Variants in PRR35 observed in about 807,000 individuals in gnomAD.
PRR35 encodes the protein proline-rich protein 35.
Under a neutral mutation model 18.6 loss-of-function variants are expected in PRR35, and 14 were observed. The observed-to-expected ratio is 0.75, with a 90% CI of 0.50 to 1.18. The LOEUF (loss-of-function observed/expected upper bound fraction) is 1.18. Ranked by LOEUF, PRR35 falls within the 50% of genes most tolerant of loss-of-function variation. The pLI is 0.00. For synonymous variants in PRR35, 425 were observed against 378.2 expected, an observed-to-expected ratio of 1.12 and a Z score of -1.43; for missense variants, 832 against 792.2, an observed-to-expected ratio of 1.05 and a Z score of -0.60.
At position 563,958 on chromosome 16, in the gene PRR35, T is replaced by C; in HGVS notation, c.664T>C (p.Tyr222His). Residue 222 changes from tyrosine (Y) to histidine (H), a missense_variant, in exon 2 of 3, where the codon TAC becomes CAC. Physicochemically the swap from Tyr to His is moderately conservative, Grantham distance 83. Transcript: ENST00000409413. ...NYPLSPGLFS[Y>H]LGPSLAAAAH... Reference sequence around the variant, plus strand: ...CCCGCTCAGCCCCGGCCTCTTCTCCTACTTGGGGCCCTCACTGGCCGCTGC... The same window carrying C: ...CCCGCTCAGCCCCGGCCTCTTCTCCCACTTGGGGCCCTCACTGGCCGCTGC... The C allele has an allele frequency of 6.3e-7, 1 of 1,599,330 alleles. No individual in the cohort carries two copies. Among genetic ancestry groups the C allele is most frequent in the Non-Finnish European group, 8.5e-7 (1 of 1,174,210 alleles).
intron 1 of PRR35, among the ~76,000 whole-genome samples, chr16:562,457 T>C (rs1303333828): frequency 6.6e-6 from 1 of 152,070 alleles, no homozygotes; most frequent in Non-Finnish European, 1.5e-5. Context: ...CATGCACACA[T>C]GCACACACAA....
intron 1 of PRR35, 100 bp from the exon 2 acceptor site, chr16:563,156 C>A: frequency 8.4e-7 from 1 of 1,196,950 alleles, no homozygotes; most frequent in Admixed American, 3.1e-5. Flanking sequence ...GTGGGGGGAG[C>A]ACCCAGGCTC....
In PRR35 at chr16:563,961, T is replaced by C; in HGVS notation, c.667T>C (p.Leu223=). 1 of 1,600,042 alleles carries C rather than the reference T, an allele frequency of 6.2e-7. No homozygotes were observed. Among genetic ancestry groups the C allele is most frequent in the Non-Finnish European group, 8.5e-7 (1 of 1,174,562 alleles). ...YPLSPGLFSY[L]GPSLAAAAHV... ...GCTCAGCCCCGGCCTCTTCTCCTAC[T>C]TGGGGCCCTCACTGGCCGCTGCAGC... The change falls in exon 2 of 3, where the codon TTG becomes CTG. Residue 223 remains leucine, a synonymous_variant. Transcript: ENST00000409413.
chr16:565,050 C>A lies in PRR35; in HGVS notation c.1459C>A (p.Pro487Thr). Reference sequence around the variant, plus strand: ...GGCTCTTGGAGAGGCGTGGGGGCGGCCCGAGCTGGGTCCCGTGTTGACCGG... The same window carrying A: ...GGCTCTTGGAGAGGCGTGGGGGCGGACCGAGCTGGGTCCCGTGTTGACCGG... ...PQALGEAWGRPELGPVLTGGT... is the reference protein window; with the variant it reads ...PQALGEAWGRTELGPVLTGGT... Residue 487 changes from proline (P) to threonine (T), a missense_variant, in exon 3 of 3, where the codon CCC (proline) becomes ACC (threonine). Physicochemically the swap from Pro to Thr is conservative, Grantham distance 38 (BLOSUM62 -1). This residue lies in a region of PRR35 where 768 missense variants were observed against 704.1 expected (regional missense o/e 1.09). Transcript: ENST00000409413. 1 of 1,593,662 alleles carries A rather than the reference C, an allele frequency of 6.3e-7. No individual in the cohort carries two copies. The highest frequency in any genetic ancestry group is 2.3e-5 in the East Asian group (1 of 44,200).
In PRR35 at chr16:564,777, C is replaced by T. The variant is rs117862036; in HGVS notation, c.1186C>T (p.Pro396Ser). Residue 396 changes from proline (P) to serine (S), a missense_variant, in exon 3 of 3, where the codon CCA (proline) becomes TCA (serine). By Grantham distance (74) the Pro-to-Ser change is moderately conservative. Coordinates refer to ENST00000409413, the MANE Select transcript of PRR35 (RefSeq NM_145270.3). ...EGPLPLQPRG[P>S]VPGSPEHVGE... is the part of the protein sequence containing the mutation. ...CCCCCTCCCCCTGCAGCCACGGGGCCCAGTGCCAGGAAGCCCGGAGCATGT... is the reference window on the plus strand; with the variant it reads ...CCCCCTCCCCCTGCAGCCACGGGGCTCAGTGCCAGGAAGCCCGGAGCATGT... 3.8e-4 allele frequency: 594 copies of T among 1,545,106 alleles called. 9 individuals carry two copies. In the East Asian group the frequency reaches 0.011, roughly 29 times the overall value.
chr16:565,225 G>T lies in PRR35; in HGVS notation c.1634G>T (p.Trp545Leu). ...GACCCTGTCATTCCTGGCAGTGGCT[G>T]GGGCACCTGTGTTGCGACGAGGAGT... The part of the protein sequence containing the change: ...PDDPVIPGSG[W>L]GTCVATRSSQ... Residue 545 changes from tryptophan to leucine, a missense_variant, in exon 3 of 3, where the codon TGG becomes TTG. This residue lies in a region of PRR35 where 768 missense variants were observed against 704.1 expected (regional missense o/e 1.09). Transcript: ENST00000409413. 2 of 1,609,142 alleles carry T rather than the reference G, an allele frequency of 1.2e-6. No individual in the cohort carries two copies. The highest frequency in any genetic ancestry group is 1.1e-5 in the South Asian group (1 of 90,478).
At position 563,934 on chromosome 16, in the gene PRR35, C is replaced by T. The variant is rs772833204; in HGVS notation, c.640C>T (p.Pro214Ser). The T allele has an allele frequency of 6.3e-7, 1 of 1,593,928 alleles. No homozygotes were observed. The highest frequency in any genetic ancestry group is 8.5e-7 in the Non-Finnish European group (1 of 1,171,620). The change falls in exon 2 of 3, where the codon CCG (proline) becomes TCG (serine). Residue 214 changes from proline (P) to serine (S), a missense_variant. Around this residue, in one of 3 missense-constraint regions of PRR35, gnomAD observed 768 missense variants for 704.1 expected, o/e 1.09. Coordinates refer to ENST00000409413, the MANE Select transcript of PRR35 (RefSeq NM_145270.3). ...LHLSLLGVNYPLSPGLFSYLG... is the reference protein window; with the variant it reads ...LHLSLLGVNYSLSPGLFSYLG... Reference sequence around the variant, plus strand: ...CCTGTCTCTGCTGGGCGTCAACTACCCGCTCAGCCCCGGCCTCTTCTCCTA... The same window carrying T: ...CCTGTCTCTGCTGGGCGTCAACTACTCGCTCAGCCCCGGCCTCTTCTCCTA...
rs1422293128 is a variant in PRR35 at position 563,758 on chromosome 16, G to C, written c.464G>C (p.Ser155Thr). 1 of 1,508,596 alleles carries C rather than the reference G, an allele frequency of 6.6e-7. No homozygotes were observed. The highest frequency in any genetic ancestry group is 8.8e-7 in the Non-Finnish European group (1 of 1,129,974). 93.5% of individuals were successfully genotyped at this position (1,508,596 alleles called of 1,614,324 possible). ...ARATRKGPGPSGLLPESWKPG... is the reference protein window; with the variant it reads ...ARATRKGPGPTGLLPESWKPG... ...GCCACCCGGAAGGGTCCCGGCCCCA[G>C]TGGGCTCCTGCCTGAGTCGTGGAAG... is the stretch of plus-strand genomic sequence containing the variant. Residue 155 changes from serine to threonine, a missense_variant, in exon 2 of 3, where the codon AGT becomes ACT. This residue lies in a region of PRR35 where 768 missense variants were observed against 704.1 expected (regional missense o/e 1.09). Transcript: ENST00000409413.
At position 565,142 on chromosome 16, in the gene PRR35, C is replaced by T. The variant is rs1370539492; in HGVS notation, c.1551C>T (p.Thr517=). The T allele has an allele frequency of 5.0e-6, 8 of 1,609,228 alleles. No homozygotes were observed. Among genetic ancestry groups the T allele is most frequent in the Middle Eastern group, 1.7e-4 (1 of 6,042 alleles). Residue 517 remains threonine (T), a synonymous_variant, in exon 3 of 3, where the codon ACC becomes ACT. Coordinates refer to ENST00000409413, the MANE Select transcript of PRR35 (RefSeq NM_145270.3). The stretch of plus-strand genomic sequence containing the variant: ...CCCAACCCTTCTCTGGCCACACCAC[C>T]AAGTGTGAGGCCGACTCCAGCGTCC... ...AAPQPFSGHT[T]KCEADSSVPP...
chr16:564,539 C>T (rs538926505), intron 2 of PRR35, 135 bp from the exon 3 acceptor site: 23 of 1,387,764 alleles, frequency 1.7e-5, no homozygotes, highest in South Asian at 7.3e-5. Flanking sequence ...AGAGCCAGCG[C>T]GGGGGTCCTC....
rs546529106 is a variant in PRR35, at chr16:564,429, G to A, written c.1082+53G>A. 69 of 1,574,128 alleles carry A rather than the reference G, an allele frequency of 4.4e-5. 1 individual carries two copies. In the South Asian group the frequency reaches 7.5e-4, roughly 17 times the overall value. The stretch of plus-strand genomic sequence containing the variant: ...GGGTGGACGGAGGGGCTGGGCGGCT[G>A]GGCATGGCGGTTGGGCGGCTGGGCA... On this transcript the variant is annotated intron_variant, in intron 2 of 2. Coordinates refer to ENST00000409413, the MANE Select transcript of PRR35 (RefSeq NM_145270.3).
At chr16:564,417 G>A (rs1396976729) in intron 2 of PRR35, 41 bp downstream of exon 2, 2 of 1,580,544 alleles carry the variant, frequency 1.3e-6, no homozygotes, top group East Asian at 4.5e-5. Flanking sequence ...TGGACGGAGG[G>A]GCTGGGCGGC....
rs111764990 is a variant in PRR35 at position 564,600 on chromosome 16, CGTGA to C, written c.1083-72_1083-69del. On this transcript the variant is annotated intron_variant, in intron 2 of 2. Transcript: ENST00000409413. Reference sequence around the variant, plus strand: ...TAGGCTGGGGCCACAGGGCAGAGGCCGTGAGGGGAGAGGGGCAGGGGCCGGGGGC... The same window carrying C: ...TAGGCTGGGGCCACAGGGCAGAGGCCGGGGAGAGGGGCAGGGGCCGGGGGC... 2.5e-3 allele frequency: 3,629 copies of C among 1,438,298 alleles called. 59 individuals are homozygous for C. In the African/African-American group the frequency reaches 0.043, roughly 17 times the overall value. 89.1% of individuals were successfully genotyped at this position (1,438,298 alleles called of 1,614,324 possible).
At chr16:561,656 C>T (rs988410293) in intron 1 of PRR35, 100 of 879,268 alleles carry the variant, frequency 1.1e-4, no homozygotes, top group Non-Finnish European at 1.3e-4. Flanking sequence ...AGCCTTTGGA[C>T]GAGTGGACTT....
At position 560,555 on chromosome 16, in the gene PRR35, G is replaced by T; in HGVS notation, c.-146G>T. On this transcript the variant is annotated 5_prime_UTR_variant, in exon 1 of 3. Transcript: ENST00000409413. Reference sequence around the variant, plus strand: ...CATCCCACCCCCAGAGCCCCAGCGCGTCCGCGGGGTCCGAGTCGCGGCCGG... The same window carrying T: ...CATCCCACCCCCAGAGCCCCAGCGCTTCCGCGGGGTCCGAGTCGCGGCCGG... 1 of 983,128 alleles carries T rather than the reference G, an allele frequency of 1.0e-6. No individual in the cohort carries two copies. The highest frequency in any genetic ancestry group is 1.2e-6 in the Non-Finnish European group (1 of 828,990). The allele number at this position is 983,128 out of a possible 1,614,324, so 60.9% of individuals were successfully genotyped here.
chr16:563,009 C>T (rs1025725541), intron 1 of PRR35, among the ~76,000 whole-genome samples: 3 of 151,326 alleles, frequency 2.0e-5, no homozygotes, highest in African/African-American at 2.4e-5. Flanking sequence ...TGCTGATCGG[C>T]GTCAGATGCA....
At chr16:564,528 G>A (rs557447735) in intron 2 of PRR35, 146 bp from the exon 3 acceptor site, 26 of 1,404,558 alleles carry the variant, frequency 1.9e-5, no homozygotes, top group African/African-American at 5.8e-5. Flanking sequence ...ACTGAGACCC[G>A]AGAGCCAGCG....
In PRR35 at chr16:564,375, A is replaced by G; in HGVS notation, c.1081A>G (p.Ser361Gly). Reference protein sequence around the residue: ...PSLTRFCSRSSLPTGSSVMLW... With the variant: ...PSLTRFCSRSGLPTGSSVMLW... Reference sequence around the variant, plus strand: ...CCTGACAAGGTTCTGTTCCCGGAGCAGGTGGGCGTCTTGGGCTCCCGGTTC... The same window carrying G: ...CCTGACAAGGTTCTGTTCCCGGAGCGGGTGGGCGTCTTGGGCTCCCGGTTC... Residue 361 changes from serine to glycine, a missense_variant and splice_region_variant, in exon 2 of 3, where the codon AGC (serine) becomes GGC (glycine). Around this residue, in one of 3 missense-constraint regions of PRR35, gnomAD observed 768 missense variants for 704.1 expected, o/e 1.09. Transcript: ENST00000409413. 1.3e-6 allele frequency: 2 copies of G among 1,590,144 alleles called. No individual in the cohort carries two copies. The highest frequency in any genetic ancestry group is 1.7e-6 in the Non-Finnish European group (2 of 1,175,894).
Position 565,458 on chromosome 16 carries a change from CA to C in PRR35, c.*152del. 2.9e-6 allele frequency: 2 copies of C among 695,560 alleles called. No homozygotes were observed. Among genetic ancestry groups the C allele is most frequent in the Non-Finnish European group, 4.3e-6 (2 of 464,420 alleles). The allele number at this position is 695,560 out of a possible 1,614,324, so 43.1% of individuals were successfully genotyped here. The stretch of plus-strand genomic sequence containing the variant: ...CGTGGCCAACGCTTGTCCCTGGGGC[CA>C]CACAGGGACACTGGAGGTCACAGTT... On this transcript the variant is annotated 3_prime_UTR_variant, in exon 3 of 3. Coordinates refer to ENST00000409413, the MANE Select transcript of PRR35 (RefSeq NM_145270.3).
Sources: gnomAD v4.1 joint callset for allele counts (sites outside exome capture counted in the v4.1 genomes callset) on GRCh38, gnomAD v4.1.1 for gene constraint, gnomAD v4.1.1 regional missense constraint, MANE v1.5 for transcripts, NCBI Gene and HGNC (gene_info 2026-07-23, HGNC 2026-07-21) for gene names.